The following CNTN4 variants were observed in gnomAD, a reference collection of about 807,000 sequenced individuals.
CNTN4 encodes contactin 4, also known as contactin-4.
Under a neutral mutation model 122.5 loss-of-function variants are expected in CNTN4, and 77 were observed. The observed-to-expected ratio is 0.63, with a 90% CI of 0.52 to 0.76. The LOEUF (loss-of-function observed/expected upper bound fraction) is 0.76. Ranked by LOEUF, CNTN4 falls within the 30% of genes least tolerant of loss-of-function variation. The pLI is 0.00. For missense variants in CNTN4, 1,256 were observed against 1,259.1 expected, an observed-to-expected ratio of 1.00 and a Z score of 0.04; for synonymous variants, 512 against 447.0, an observed-to-expected ratio of 1.15 and a Z score of -1.83.
intron 2 of CNTN4, among the ~76,000 whole-genome samples, chr3:2,243,035 A>T (rs1458271181): frequency 2.6e-5 from 4 of 152,122 alleles, no homozygotes; most frequent in Non-Finnish European, 5.9e-5. Context: ...GTGCAAGCTG[A>T]GCACGGTCTA....
intron 13 of CNTN4, among the ~76,000 whole-genome samples, chr3:2,963,760 ATATTTGCTT>A (rs1243873393): frequency 9.2e-5 from 14 of 152,118 alleles, no homozygotes; most frequent in Admixed American, 7.2e-4. Flanking sequence ...TATCACATTC[ATATTTGCTT>A]TATTTGCTTT....
intron 2 of CNTN4, among the ~76,000 whole-genome samples, chr3:2,169,113 A>G (rs1382060108): frequency 6.6e-6 from 1 of 152,184 alleles, no homozygotes; most frequent in Non-Finnish European, 1.5e-5. Flanking sequence ...GTGAAATTTT[A>G]GAAAGGCTGT....
intron 2 of CNTN4, among the ~76,000 whole-genome samples, chr3:2,209,283 C>T (rs1259924122): frequency 6.6e-6 from 1 of 152,128 alleles, no homozygotes; most frequent in Admixed American, 6.6e-5. Context: ...TGAGTGGGCA[C>T]TGGGAGAGGC....
intron 2 of CNTN4, among the ~76,000 whole-genome samples, chr3:2,331,788 G>T (rs906498543): frequency 3.3e-5 from 5 of 152,128 alleles, no homozygotes; most frequent in African/African-American, 1.2e-4. Flanking sequence ...AATGAAGGTT[G>T]CCAGGTGGAG....
At chr3:2,171,116 TTATA>T (rs1299846906) in intron 2 of CNTN4, among the ~76,000 whole-genome samples, 2 of 152,194 alleles carry the variant, frequency 1.3e-5, no homozygotes, top group Non-Finnish European at 2.9e-5. Context: ...CACGAATTCT[TTATA>T]AACACAAAGT....
At position 2,859,853 on chromosome 3, in the gene CNTN4, A is replaced by G. The variant is rs148335521; in HGVS notation, c.455-6899A>G. On this transcript the variant is annotated intron_variant, in intron 7 of 24. Coordinates refer to ENST00000418658, the MANE Select transcript of CNTN4 (RefSeq NM_175607.3). ...AACTTCCACCCACAATTTCTTAAAG[A>G]AAATCTGCACCCTAGAAAAATGCTC... Among the ~76,000 whole-genome samples, 208 of 152,346 alleles carry G rather than the reference A, an allele frequency of 1.4e-3. 1 individual carries two copies. Among genetic ancestry groups the G allele is most frequent in the African/African-American group, 4.8e-3 (199 of 41,586 alleles).
At chr3:2,717,745 AT>A (rs1352148114) in intron 4 of CNTN4, among the ~76,000 whole-genome samples, 5 of 151,920 alleles carry the variant, frequency 3.3e-5, no homozygotes. Flanking sequence ...ACTATTTTAC[AT>A]TACCACTAGC....
rs71723894 is a variant in CNTN4 at position 2,504,649 on chromosome 3, ATAT to A, written c.-88-66762_-88-66760del. On this transcript the variant is annotated intron_variant, in intron 3 of 24. Transcript: ENST00000418658. ...TATGTAATCTCAAAGTTGCTTCCAA[ATAT>A]TATTGACAAGTTACAAAAGTAAAAT... 8.6e-3 allele frequency among the ~76,000 whole-genome samples: 1,311 copies of A among 152,302 alleles called. 22 individuals are homozygous for A. The highest frequency in any genetic ancestry group is 0.03 in the African/African-American group (1,240 of 41,570).
chr3:2,678,615 C>G (rs2084999704), intron 4 of CNTN4, among the ~76,000 whole-genome samples: 1 of 152,184 alleles, frequency 6.6e-6, no homozygotes. Flanking sequence ...GATTACCTTT[C>G]TGCTTTATTT....
chr3:2,391,178 G>T (rs972713423), intron 3 of CNTN4, among the ~76,000 whole-genome samples: 1 of 152,088 alleles, frequency 6.6e-6, no homozygotes, highest in Non-Finnish European at 1.5e-5. Context: ...TTATGGGGTT[G>T]GATACTTGCC....
intron 4 of CNTN4, among the ~76,000 whole-genome samples, chr3:2,584,673 G>C (rs1357052205): frequency 8.6e-6 from 1 of 116,146 alleles, no homozygotes; most frequent in Non-Finnish European, 1.6e-5. Flanking sequence ...CTCCAGCCTG[G>C]ATGACAAAAG....
intron 13 of CNTN4, among the ~76,000 whole-genome samples, chr3:2,936,581 C>A (rs900010412): frequency 6.6e-6 from 1 of 152,080 alleles, no homozygotes. Flanking sequence ...CTTCACTCAC[C>A]TTTACCCTCA....
At chr3:2,820,503 C>A (rs76887750) in intron 7 of CNTN4, among the ~76,000 whole-genome samples, 13,572 of 151,960 alleles carry the variant, frequency 0.089, 670 homozygotes, top group Middle Eastern at 0.12. Context: ...CATGATTGAT[C>A]GAATCTATGG....
chr3:2,795,323 A>G (rs779915292), intron 6 of CNTN4, among the ~76,000 whole-genome samples: 3 of 152,070 alleles, frequency 2.0e-5, no homozygotes, highest in Non-Finnish European at 2.9e-5. Context: ...TGGTTCAAAC[A>G]TCCATCCCCT....
chr3:2,819,421 G>A, intron 6 of CNTN4, 65 bp from the exon 7 acceptor site: 1 of 1,214,862 alleles, frequency 8.2e-7, no homozygotes, highest in Non-Finnish European at 1.2e-6. Flanking sequence ...TGAAATAGTG[G>A]TACTCTCCCT....
intron 4 of CNTN4, among the ~76,000 whole-genome samples, chr3:2,697,403 A>C (rs1169533596): frequency 6.6e-6 from 1 of 152,100 alleles, no homozygotes; most frequent in East Asian, 1.9e-4. Context: ...TGTCTCCCAG[A>C]CTTAAAGAGA....
chr3:2,835,494 T>C (rs779834857), intron 7 of CNTN4, among the ~76,000 whole-genome samples: 1 of 152,192 alleles, frequency 6.6e-6, no homozygotes, highest in Non-Finnish European at 1.5e-5. Context: ...TTCAATTGTT[T>C]ACATGTTCAG....
At chr3:2,168,537 CGAG>C (rs944727332) in intron 2 of CNTN4, among the ~76,000 whole-genome samples, 2 of 151,422 alleles carry the variant, frequency 1.3e-5, no homozygotes, top group African/African-American at 4.9e-5. Context: ...ACATTTAACT[CGAG>C]AGGCTAGAAA....
intron 2 of CNTN4, among the ~76,000 whole-genome samples, chr3:2,132,941 G>C (rs1037714637): frequency 1.1e-4 from 16 of 152,190 alleles, no homozygotes; most frequent in Admixed American, 1.0e-3. Context: ...AGTTGGGACA[G>C]GCTGCCAGAG....
Sources: gnomAD v4.1 joint callset for allele counts (sites outside exome capture counted in the v4.1 genomes callset) on GRCh38, gnomAD v4.1.1 for gene constraint, MANE v1.5 for transcripts, NCBI Gene and HGNC (gene_info 2026-07-23, HGNC 2026-07-21) for gene names.